TMEM69: variants seen among roughly 807,000 people sequenced by gnomAD.
TMEM69 encodes transmembrane protein 69.
In TMEM69, 17 loss-of-function variants were observed where a neutral mutation model predicts 15.8. That is an observed-to-expected ratio of 1.07 (90% confidence interval 0.73 to 1.61). The LOEUF is 1.61. TMEM69 is among the 40% of genes most tolerant of loss of function. The pLI is 0.00. For synonymous variants in TMEM69, 80 were observed against 98.6 expected (o/e 0.81, Z 1.12); for missense variants, 230 against 286.1 (o/e 0.80, Z 1.41).
At chr1:45,690,053 G>A (rs1413496812) in intron 1 of TMEM69, among the ~76,000 whole-genome samples, 1 of 152,078 alleles carries the variant, frequency 6.6e-6, no homozygotes, top group African/African-American at 2.4e-5. Context: ...AAAGGTGAAT[G>A]AACTGCACCA....
intron 1 of TMEM69, among the ~76,000 whole-genome samples, chr1:45,690,732 C>T (rs920284381): frequency 2.0e-5 from 3 of 151,838 alleles, no homozygotes; most frequent in African/African-American, 7.3e-5. Context: ...TGTCACACAG[C>T]TAGGAAATGG....
intron 2 of TMEM69, among the ~76,000 whole-genome samples, chr1:45,691,598 G>A (rs1295244882): frequency 6.6e-6 from 1 of 152,020 alleles, no homozygotes; most frequent in Admixed American, 6.6e-5. Context: ...CCAGCACTTT[G>A]GGAGTTGAGG....
intron 2 of TMEM69, among the ~76,000 whole-genome samples, chr1:45,692,800 TA>T (rs1293596875): frequency 6.6e-6 from 1 of 152,256 alleles, no homozygotes; most frequent in East Asian, 1.9e-4. Flanking sequence ...TTTCTCCATA[TA>T]AAAACAGCAT....
chr1:45,692,872 G>C (rs1327499556), intron 2 of TMEM69, among the ~76,000 whole-genome samples: 1 of 152,142 alleles, frequency 6.6e-6, no homozygotes, highest in Non-Finnish European at 1.5e-5. Context: ...AGTTTAGAAG[G>C]CCAAATTCTG....
At position 45,691,072 on chromosome 1, in the gene TMEM69, C is replaced by T. The variant is rs1645341559; in HGVS notation, c.4C>T (p.Leu2Phe). The part of the protein sequence containing the change: M[L>F]RFIQKFSQAS... ...AAGACTTTCAATAGGGGCCAGTATG[C>T]TTCGCTTCATCCAGAAGTTTTCTCA... Residue 2 changes from leucine (L) to phenylalanine (F), a missense_variant, in exon 2 of 3, where the codon CTT becomes TTT. Coordinates refer to ENST00000372025, the MANE Select transcript of TMEM69 (RefSeq NM_016486.4). 6.2e-7 allele frequency: 1 copy of T among 1,614,044 alleles called. No homozygotes were observed. Among genetic ancestry groups the T allele is most frequent in the African/African-American group, 1.3e-5 (1 of 74,928 alleles).
At position 45,691,051 on chromosome 1, in the gene TMEM69, CT is replaced by C; in HGVS notation, c.-15del. On this transcript the variant is annotated 5_prime_UTR_variant, in exon 2 of 3. The change abolishes the stop of an existing upstream ORF in the 5' untranslated region. Transcript: ENST00000372025. ...CTACCTGGCATCTTCCTGAACAAGA[CT>C]TTCAATAGGGGCCAGTATGCTTCGC... 1.9e-6 allele frequency: 3 copies of C among 1,614,160 alleles called. No homozygotes were observed. Among genetic ancestry groups the C allele is most frequent in the Non-Finnish European group, 2.5e-6 (3 of 1,180,008 alleles).
rs1645359285 is a variant in TMEM69, at chr1:45,693,464, T to G, written c.303T>G (p.Thr101=). Residue 101 remains threonine (T), a synonymous_variant, in exon 3 of 3, where the codon ACT becomes ACG. Transcript: ENST00000372025. ...GCCCAAAGCCAGCATTATGTGTAAC[T>G]CTGGCAGGACTAATCCCCTTCGTTG... ...TDSPKPALCV[T]LAGLIPFVAP... is the part of the protein sequence containing the mutation. 1 of 1,614,094 alleles carries G rather than the reference T, an allele frequency of 6.2e-7. No homozygotes were observed. Among genetic ancestry groups the G allele is most frequent in the Non-Finnish European group, 8.5e-7 (1 of 1,180,044 alleles).
In TMEM69 at chr1:45,693,590, C is replaced by T. The variant is rs1183264412; in HGVS notation, c.429C>T (p.Ile143=). 1 of 1,614,144 alleles carries T rather than the reference C, an allele frequency of 6.2e-7. No individual in the cohort carries two copies. Among genetic ancestry groups the T allele is most frequent in the African/African-American group, 1.3e-5 (1 of 75,050 alleles). The change falls in exon 3 of 3, where the codon ATC becomes ATT. Residue 143 remains isoleucine, a synonymous_variant. Coordinates refer to ENST00000372025, the MANE Select transcript of TMEM69 (RefSeq NM_016486.4). The part of the protein sequence containing the change: ...GASFLSFLGG[I]RWGFALPEGS... ...GTTTCCTATCTTTCTTGGGTGGGATCAGATGGGGTTTTGCTCTACCAGAAG... is the reference window on the plus strand; with the variant it reads ...GTTTCCTATCTTTCTTGGGTGGGATTAGATGGGGTTTTGCTCTACCAGAAG...
intron 1 of TMEM69, among the ~76,000 whole-genome samples, chr1:45,689,943 G>A (rs374687519): frequency 2.0e-5 from 3 of 152,186 alleles, no homozygotes; most frequent in South Asian, 2.1e-4. Context: ...TGCAGACAGC[G>A]GAGAGCACGC....
At position 45,693,945 on chromosome 1, in the gene TMEM69, A is replaced by G. The variant is rs2148541022; in HGVS notation, c.*40A>G. The stretch of plus-strand genomic sequence containing the variant: ...TGGGAAGTGAGGAGCACCTCTGCCC[A>G]GCTGCTGCCCCGTCTGGGAAGTGAG... On this transcript the variant is annotated 3_prime_UTR_variant, in exon 3 of 3. Coordinates refer to ENST00000372025, the MANE Select transcript of TMEM69 (RefSeq NM_016486.4). 2 of 1,370,424 alleles carry G rather than the reference A, an allele frequency of 1.5e-6. No homozygotes were observed. Among genetic ancestry groups the G allele is most frequent in the African/African-American group, 1.4e-5 (1 of 69,106 alleles). 84.9% of individuals were successfully genotyped at this position (1,370,424 alleles called of 1,614,324 possible). A position where few individuals can be genotyped will look rare whatever the true frequency, so the allele number is the denominator to read the frequency against.
chr1:45,693,498 C>G lies in TMEM69; in HGVS notation c.337C>G (p.Leu113Val), dbSNP rs781060883. ...AGLIPFVAPPLVMLMTKTYIP... is the reference protein window; with the variant it reads ...AGLIPFVAPPVVMLMTKTYIP... The stretch of plus-strand genomic sequence containing the variant: ...ACTAATCCCCTTCGTTGCTCCACCA[C>G]TGGTCATGCTGATGACAAAAACTTA... Residue 113 changes from leucine (L) to valine (V), a missense_variant, in exon 3 of 3, where the codon CTG becomes GTG. Coordinates refer to ENST00000372025, the MANE Select transcript of TMEM69 (RefSeq NM_016486.4). The G allele has an allele frequency of 4.3e-6, 7 of 1,614,256 alleles. No homozygotes were observed. Among genetic ancestry groups the G allele is most frequent in the Non-Finnish European group, 5.9e-6 (7 of 1,180,052 alleles).
Position 45,693,323 on chromosome 1 carries a change from T to G in TMEM69, c.162T>G (p.Phe54Leu), listed in dbSNP as rs767985703. The G allele has an allele frequency of 1.7e-5, 27 of 1,614,156 alleles. No individual in the cohort carries two copies. In the South Asian group the frequency reaches 3.0e-4, roughly 18 times the overall value. ...PCPRPWLSSSFPAYMSKTQCY... is the reference protein window; with the variant it reads ...PCPRPWLSSSLPAYMSKTQCY... ...CAAGGCCTTGGCTTTCCTCATCATT[T>G]CCAGCGTATATGAGCAAGACACAGT... The change falls in exon 3 of 3, where the codon TTT becomes TTG. Residue 54 changes from phenylalanine to leucine, a missense_variant. By Grantham distance (22) the Phe-to-Leu change is conservative (BLOSUM62 0). Transcript: ENST00000372025.
In TMEM69 at chr1:45,694,089, C is replaced by T. The variant is rs1645365353; in HGVS notation, c.*184C>T. The T allele has an allele frequency of 2.3e-6, 1 of 439,154 alleles. No individual in the cohort carries two copies. Among genetic ancestry groups the T allele is most frequent in the Non-Finnish European group, 4.0e-6 (1 of 252,568 alleles). The allele number at this position is 439,154 out of a possible 1,614,324, so 27.2% of individuals were successfully genotyped here. ...TTGTGTGTGATCTTTTCTGTCTTCC[C>T]CAAGTTTGCATTTTCGACATTAAAG... On this transcript the variant is annotated 3_prime_UTR_variant, in exon 3 of 3. Transcript: ENST00000372025.
chr1:45,689,696 G>C (rs1358529305), intron 1 of TMEM69, among the ~76,000 whole-genome samples: 1 of 152,156 alleles, frequency 6.6e-6, no homozygotes, highest in East Asian at 1.9e-4. Context: ...AAATGAGCTG[G>C]GCGTGGTGGC....
At position 45,694,007 on chromosome 1, in the gene TMEM69, T is replaced by C. The variant is rs1248265088; in HGVS notation, c.*102T>C. On this transcript the variant is annotated 3_prime_UTR_variant, in exon 3 of 3. Coordinates refer to ENST00000372025, the MANE Select transcript of TMEM69 (RefSeq NM_016486.4). Reference sequence around the variant, plus strand: ...CCTGGCCGCCTGACCATCTGGGAAGTGTGACAAGCGCCTCTGCCCGGCCGC... The same window carrying C: ...CCTGGCCGCCTGACCATCTGGGAAGCGTGACAAGCGCCTCTGCCCGGCCGC... 1.3e-6 allele frequency: 1 copy of C among 744,678 alleles called. No individual in the cohort carries two copies. Among genetic ancestry groups the C allele is most frequent in the African/African-American group, 1.8e-5 (1 of 56,324 alleles). The allele number at this position is 744,678 out of a possible 1,614,324, so 46.1% of individuals were successfully genotyped here.
intron 1 of TMEM69, among the ~76,000 whole-genome samples, chr1:45,688,590 A>C (rs12035695): frequency 6.6e-6 from 1 of 152,234 alleles, no homozygotes; most frequent in East Asian, 1.9e-4. Context: ...TTTAATACCC[A>C]CTAGTTGGAA....
chr1:45,689,369 C>T (rs1645327891), intron 1 of TMEM69, among the ~76,000 whole-genome samples: 1 of 152,094 alleles, frequency 6.6e-6, no homozygotes, highest in Non-Finnish European at 1.5e-5. Context: ...GTGTAAAGTG[C>T]TTTGTGTCAG....
At position 45,693,704 on chromosome 1, in the gene TMEM69, A is replaced by G; in HGVS notation, c.543A>G (p.Arg181=). The G allele has an allele frequency of 6.2e-7, 1 of 1,614,140 alleles. No individual in the cohort carries two copies. The highest frequency in any genetic ancestry group is 2.2e-5 in the East Asian group (1 of 44,890). The change falls in exon 3 of 3, where the codon AGA becomes AGG. Residue 181 remains arginine, a synonymous_variant. Coordinates refer to ENST00000372025, the MANE Select transcript of TMEM69 (RefSeq NM_016486.4). The stretch of plus-strand genomic sequence containing the variant: ...GGTTTGCCTTCCTTATTTCTGAAAG[A>G]CTTAGTGAAGCCATAGTCACAGTAA... ...FSWFAFLISE[R]LSEAIVTVIM... is the part of the protein sequence containing the mutation.
At position 45,693,664 on chromosome 1, in the gene TMEM69, CTCTTT is replaced by C. The variant is rs888315608; in HGVS notation, c.511_515del (p.Phe171MetfsTer8). ...CTTAATTTAGCTAGCAGTGCAGCTC[CTCTTT>C]TCTTTTCATGGTTTGCCTTCCTTAT... On this transcript the variant is annotated frameshift_variant, in exon 3 of 3. Coordinates refer to ENST00000372025, the MANE Select transcript of TMEM69 (RefSeq NM_016486.4). LOFTEE classifies it high-confidence loss of function. The C allele has an allele frequency of 1.2e-6, 2 of 1,614,166 alleles. No homozygotes were observed. Among genetic ancestry groups the C allele is most frequent in the Non-Finnish European group, 1.7e-6 (2 of 1,180,024 alleles).
Sources: gnomAD v4.1 joint callset for allele counts (sites outside exome capture counted in the v4.1 genomes callset) on GRCh38, gnomAD v4.1.1 for gene constraint, MANE v1.5 for transcripts, NCBI Gene and HGNC (gene_info 2026-07-23, HGNC 2026-07-21) for gene names.